Variants in DENND1A observed in about 807,000 individuals in gnomAD.
DENND1A encodes the protein DENN domain containing 1A, also known as DENN domain-containing protein 1A.
In DENND1A, 51 loss-of-function variants were observed where a neutral mutation model predicts 113.7. That is an observed-to-expected ratio of 0.45 (90% CI 0.36 to 0.57). The LOEUF (loss-of-function observed/expected upper bound fraction) is 0.57, where lower values mean the gene tolerates loss of function less well. Among genes scored for constraint, DENND1A ranks in the 20% least tolerant of loss-of-function variants. DENND1A has a pLI of 0.00. For missense variants in DENND1A, 1,258 were observed against 1,395.9 expected (o/e 0.90, Z 1.57); for synonymous variants, 565 against 570.8 (o/e 0.99, Z 0.14).
intron 2 of DENND1A, among the ~76,000 whole-genome samples, chr9:123,871,593 A>C (rs983045176): frequency 1.3e-5 from 2 of 152,214 alleles, no homozygotes; most frequent in African/African-American, 4.8e-5. Context: ...AGAAATGTGT[A>C]TAGTTAGTTA....
Position 123,381,604 on chromosome 9 carries a change from C to G in DENND1A, c.3041G>C (p.Arg1014Thr). ...TGTTGGCTCCAGGCCTTGAGGGGGC[C>G]TGGGAGGCAGAAGCGGGGGGTCTCC... Reference protein sequence around the residue: ...RPGDPPLLPPRPPQGLEPTLQ... With the variant: ...RPGDPPLLPPTPPQGLEPTLQ... The change falls in exon 24 of 24, where the codon AGG (arginine) becomes ACG (threonine). Residue 1014 changes from arginine to threonine, a missense_variant. Physicochemically the swap from Arg to Thr is moderately conservative, Grantham distance 71. Transcript: ENST00000394215. The surrounding 1 kb of genome is among the most constrained non-coding windows in gnomAD (Gnocchi z 4.7). The G allele has an allele frequency of 6.2e-7, 1 of 1,613,166 alleles. No homozygotes were observed. The highest frequency in any genetic ancestry group is 8.5e-7 in the Non-Finnish European group (1 of 1,179,812).
At chr9:123,409,333 A>C (rs1032236169) in intron 20 of DENND1A, among the ~76,000 whole-genome samples, 1 of 151,542 alleles carries the variant, frequency 6.6e-6, no homozygotes, top group Non-Finnish European at 1.5e-5. Context: ...GAGCATCCCT[A>C]ATCTGAAAAT....
chr9:123,383,926 G>A lies in DENND1A; in HGVS notation c.1761-13C>T. ...ATACGGCTGCGGCCTGTCGGGGACA[G>A]AGCAGGCTGCACTCTCCCACCCAGG... On this transcript the variant is annotated splice_polypyrimidine_tract_variant and intron_variant, in intron 22 of 23. Coordinates refer to ENST00000394215, the MANE Select transcript of DENND1A (RefSeq NM_001352964.2). The A allele has an allele frequency of 4.4e-6, 7 of 1,600,678 alleles. No homozygotes were observed. Among genetic ancestry groups the A allele is most frequent in the Non-Finnish European group, 6.0e-6 (7 of 1,176,292 alleles).
At chr9:123,399,020 T>C (rs1448263509) in intron 21 of DENND1A, among the ~76,000 whole-genome samples, 4 of 151,402 alleles carry the variant, frequency 2.6e-5, no homozygotes, top group Admixed American at 1.3e-4. Context: ...GGTCTTGAAC[T>C]CCTGACCTCA....
At chr9:123,742,007 C>A (rs1004288768) in intron 5 of DENND1A, among the ~76,000 whole-genome samples, 2 of 152,196 alleles carry the variant, frequency 1.3e-5, no homozygotes, top group Non-Finnish European at 2.9e-5. Context: ...CAGGCCAGAG[C>A]GTTGCTCTCA....
At chr9:123,597,968 C>T (rs1025743859) in intron 11 of DENND1A, among the ~76,000 whole-genome samples, 1 of 152,188 alleles carries the variant, frequency 6.6e-6, no homozygotes, top group Non-Finnish European at 1.5e-5. Flanking sequence ...TTTATTATTT[C>T]AATGCCCCAG....
intron 2 of DENND1A, among the ~76,000 whole-genome samples, chr9:123,869,137 A>G (rs904266186): frequency 5.9e-5 from 9 of 152,228 alleles, no homozygotes; most frequent in Non-Finnish European, 1.2e-4. Context: ...AAATTTCTTT[A>G]AAGAATACAG....
intron 19 of DENND1A, 133 bp from the exon 20 acceptor site, chr9:123,411,962 GC>G (rs34584437): frequency 0.43 from 131,414 of 304,808 alleles, 33,674 homozygotes; most frequent in Non-Finnish European, 0.51. Flanking sequence ...CTCCTGCCTC[GC>G]CCCCACTGTC....
At chr9:123,697,745 A>G (rs2065619069) in intron 5 of DENND1A, among the ~76,000 whole-genome samples, 1 of 152,192 alleles carries the variant, frequency 6.6e-6, no homozygotes, top group African/African-American at 2.4e-5. Flanking sequence ...CTCAATGCGA[A>G]AAACCAGGAA....
At chr9:123,880,779 A>C (rs1206129514) in intron 1 of DENND1A, among the ~76,000 whole-genome samples, 1 of 152,142 alleles carries the variant, frequency 6.6e-6, no homozygotes, top group Non-Finnish European at 1.5e-5. Flanking sequence ...TGTTTATCAA[A>C]TCCTATTTCA....
chr9:123,802,287 C>T, intron 2 of DENND1A, among the ~76,000 whole-genome samples: 1 of 152,140 alleles, frequency 6.6e-6, no homozygotes. Flanking sequence ...GGATAGATGG[C>T]CTCTGTTCAT....
intron 1 of DENND1A, 114 bp from the exon 2 acceptor site, chr9:123,879,135 G>C (rs761235473): frequency 5.2e-5 from 53 of 1,018,654 alleles, no homozygotes; most frequent in Non-Finnish European, 7.7e-5. Context: ...ACAACTTAAT[G>C]GCCGTGGAAC....
At chr9:123,517,688 C>T (rs1208201280) in intron 13 of DENND1A, among the ~76,000 whole-genome samples, 2 of 152,034 alleles carry the variant, frequency 1.3e-5, no homozygotes, top group Non-Finnish European at 2.9e-5. Flanking sequence ...GTTAAATAAA[C>T]TGTGGCACAG....
At chr9:123,392,388 C>T (rs926652884) in intron 21 of DENND1A, among the ~76,000 whole-genome samples, 1 of 152,228 alleles carries the variant, frequency 6.6e-6, no homozygotes, top group African/African-American at 2.4e-5. Flanking sequence ...ACTTGGTCTC[C>T]GGAGGTGGTG....
chr9:123,811,695 C>G (rs1836637587), intron 2 of DENND1A, among the ~76,000 whole-genome samples: 1 of 152,276 alleles, frequency 6.6e-6, no homozygotes, highest in African/African-American at 2.4e-5. Flanking sequence ...GAAGGCGGAG[C>G]TTGCAGTGAG....
intron 13 of DENND1A, among the ~76,000 whole-genome samples, chr9:123,469,342 T>C (rs145743533): frequency 4.6e-5 from 7 of 152,360 alleles, no homozygotes; most frequent in Admixed American, 4.6e-4. Context: ...GCTACTCTGA[T>C]GATTTGCAGG....
chr9:123,693,961 G>A (rs552138863), intron 5 of DENND1A, among the ~76,000 whole-genome samples: 1 of 151,444 alleles, frequency 6.6e-6, no homozygotes, highest in East Asian at 1.9e-4. Flanking sequence ...CCGAGTAGCT[G>A]GGACTTCAGG....
At chr9:123,754,240 G>A (rs1343092465) in intron 5 of DENND1A, among the ~76,000 whole-genome samples, 1 of 152,160 alleles carries the variant, frequency 6.6e-6, no homozygotes, top group Non-Finnish European at 1.5e-5. Context: ...CCCAAACTGA[G>A]CTCTCATTCT....
intron 5 of DENND1A, among the ~76,000 whole-genome samples, chr9:123,743,464 G>T (rs1454799009): frequency 6.6e-6 from 1 of 151,704 alleles, no homozygotes; most frequent in Non-Finnish European, 1.5e-5. Context: ...GGGCGCGGTG[G>T]CTCACTCCTG....
Sources: allele counts gnomAD v4.1 joint callset (sites outside exome capture counted in the v4.1 genomes callset), GRCh38; gene constraint gnomAD v4.1.1; non-coding constraint Gnocchi (gnomAD v3.1); transcripts MANE v1.5; gene names NCBI Gene and HGNC (gene_info 2026-07-23, HGNC 2026-07-21).